MGAT4C: variants seen among roughly 807,000 people sequenced by gnomAD.
The protein encoded by MGAT4C is alpha-1,3-mannosyl-glycoprotein 4-beta-N-acetylglucosaminyltransferase C.
MGAT4C carries 19 observed loss-of-function variants against 40.1 expected under a neutral mutation model. The ratio of observed to expected loss-of-function variants is 0.47; its 90% CI spans 0.33 to 0.70. The LOEUF (loss-of-function observed/expected upper bound fraction) is 0.70, where lower values mean the gene tolerates loss of function less well. MGAT4C is among the 30% of genes least tolerant of loss of function. The probability of loss-of-function intolerance (pLI) is 0.02; values close to 1 mark genes in which losing one functional copy is unlikely to be tolerated. For missense variants in MGAT4C, 491 were observed against 563.2 expected (o/e 0.87, Z 1.30); for synonymous variants, 181 against 187.1 (o/e 0.97, Z 0.27).
rs117379439 is a variant in MGAT4C at position 86,677,603 on chromosome 12, G to C, written c.-229+49606C>G. 8.7e-3 allele frequency among the ~76,000 whole-genome samples: 1,324 copies of C among 152,110 alleles called. 8 individuals are homozygous for C. Among genetic ancestry groups the C allele is most frequent in the Middle Eastern group, 0.017 (5 of 292 alleles). On this transcript the variant is annotated intron_variant, in intron 2 of 7. Transcript: ENST00000548651. Reference sequence around the variant, plus strand: ...GAGAATTTACTGAGGAATGTTGAAAGTTAATACAGATCTCAGTATTCAAAG... The same window carrying C: ...GAGAATTTACTGAGGAATGTTGAAACTTAATACAGATCTCAGTATTCAAAG...
intron 2 of MGAT4C, among the ~76,000 whole-genome samples, chr12:86,578,693 G>A (rs1960658634): frequency 1.3e-5 from 2 of 151,722 alleles, no homozygotes; most frequent in South Asian, 4.1e-4. Flanking sequence ...AATTTCTGCA[G>A]TATCAGTTGT....
chr12:86,058,196 T>G (rs1443692798), intron 1 of MGAT4C, among the ~76,000 whole-genome samples: 1 of 152,134 alleles, frequency 6.6e-6, no homozygotes, highest in Non-Finnish European at 1.5e-5. Context: ...CTCATGCATA[T>G]AAATGCTATA....
intron 1 of MGAT4C, among the ~76,000 whole-genome samples, chr12:86,250,670 C>T (rs1015801138): frequency 2.6e-5 from 4 of 151,996 alleles, no homozygotes; most frequent in Non-Finnish European, 5.9e-5. Flanking sequence ...TATTTTATTA[C>T]GTACTTAGAT....
At chr12:86,160,943 T>G (rs1593108923) in intron 1 of MGAT4C, among the ~76,000 whole-genome samples, 1 of 152,186 alleles carries the variant, frequency 6.6e-6, no homozygotes, top group Non-Finnish European at 1.5e-5. Flanking sequence ...TAATCTACTC[T>G]AACTTTTAGC....
chr12:86,730,833 A>AT (rs1403284809), intron 1 of MGAT4C, among the ~76,000 whole-genome samples: 1 of 152,094 alleles, frequency 6.6e-6, no homozygotes, highest in Non-Finnish European at 1.5e-5. Context: ...TTTAAAAAAT[A>AT]TTTTTATTAT....
At position 85,970,836 on chromosome 12, in the gene MGAT4C, C is replaced by T. The variant is rs1018296515; in HGVS notation, c.*8453G>A. On this transcript the variant is annotated 3_prime_UTR_variant, in exon 5 of 5. Coordinates refer to ENST00000611864, the MANE Select transcript of MGAT4C (RefSeq NM_001351288.2). ...TTGATATAGTATGTACAACTTGTTT[C>T]TTAAGTTACTAAAAATGTATTTTCC... 1 of 151,172 alleles carries T rather than the reference C, an allele frequency of 6.6e-6. No individual in the cohort carries two copies. The highest frequency in any genetic ancestry group is 1.5e-5 in the Non-Finnish European group (1 of 67,336). The allele number at this position is 151,172 out of a possible 1,614,324, so 9.4% of individuals were successfully genotyped here.
intron 2 of MGAT4C, among the ~76,000 whole-genome samples, chr12:86,503,763 TATATATATATATAGAGTTCTGCTC>T (rs1592927322): frequency 4.4e-5 from 3 of 68,056 alleles, no homozygotes; most frequent in East Asian, 5.0e-4. Context: ...GTTCTGCTCA[TATATATATATATAGAGTTCTGCTC>T]ATATATATAT....
At chr12:86,655,888 G>A (rs1005266578) in intron 2 of MGAT4C, among the ~76,000 whole-genome samples, 24 of 152,124 alleles carry the variant, frequency 1.6e-4, no homozygotes, top group African/African-American at 3.9e-4. Context: ...AAGCTCACAC[G>A]AGGAGGGTTG....
chr12:86,365,754 G>C (rs1434499285), intron 3 of MGAT4C, among the ~76,000 whole-genome samples: 1 of 148,434 alleles, frequency 6.7e-6, no homozygotes, highest in Non-Finnish European at 1.5e-5. Context: ...CCTCTATTCT[G>C]TTCTATTGGT....
intron 2 of MGAT4C, among the ~76,000 whole-genome samples, chr12:86,493,540 C>T (rs1419109177): frequency 1.3e-5 from 2 of 151,784 alleles, no homozygotes; most frequent in East Asian, 1.9e-4. Context: ...AGTAAACTAT[C>T]GCAAGGACAA....
At position 85,967,542 on chromosome 12, in the gene MGAT4C, T is replaced by A. The variant is rs1340172724; in HGVS notation, c.*11747A>T. ...AGATAAAATCTGAAAATCATATAAG[T>A]CCAAGATGAAACTGATCTCAAATTA... is the stretch of plus-strand genomic sequence containing the variant. On this transcript the variant is annotated 3_prime_UTR_variant, in exon 5 of 5. Transcript: ENST00000611864. 1 of 152,066 alleles carries A rather than the reference T, an allele frequency of 6.6e-6. No individual in the cohort carries two copies. Among genetic ancestry groups the A allele is most frequent in the Non-Finnish European group, 1.5e-5 (1 of 67,994 alleles). 9.4% of individuals were successfully genotyped at this position (152,066 alleles called of 1,614,324 possible). A position where few individuals can be genotyped will look rare whatever the true frequency, so the allele number is the denominator to read the frequency against.
chr12:86,545,418 C>T (rs1959188059), intron 2 of MGAT4C, among the ~76,000 whole-genome samples: 1 of 151,828 alleles, frequency 6.6e-6, no homozygotes, highest in African/African-American at 2.4e-5. Context: ...AGAACAAACT[C>T]AGTCTATAGT....
At chr12:86,027,959 A>C (rs997878460) in intron 2 of MGAT4C, 1 of 251,404 alleles carries the variant, frequency 4.0e-6, no homozygotes, top group Non-Finnish European at 7.9e-6. Context: ...ATAGCTTCTC[A>C]CCAACATAAT....
chr12:86,483,106 T>G (rs1248688707), intron 2 of MGAT4C, among the ~76,000 whole-genome samples: 1 of 152,182 alleles, frequency 6.6e-6, no homozygotes, highest in Non-Finnish European at 1.5e-5. Flanking sequence ...CGAGGATGGT[T>G]AGATCCTTCT....
chr12:86,626,479 G>T (rs1962808271), intron 2 of MGAT4C, among the ~76,000 whole-genome samples: 1 of 152,142 alleles, frequency 6.6e-6, no homozygotes, highest in African/African-American at 2.4e-5. Context: ...TTATGCTGTT[G>T]TAGTTGTGGT....
chr12:86,200,435 T>G (rs2135931371), intron 1 of MGAT4C, among the ~76,000 whole-genome samples: 1 of 152,230 alleles, frequency 6.6e-6, no homozygotes, highest in East Asian at 1.9e-4. Flanking sequence ...TACCAGATAC[T>G]TTTCCAAAAT....
At chr12:86,679,059 G>T (rs1224887605) in intron 2 of MGAT4C, among the ~76,000 whole-genome samples, 1 of 152,044 alleles carries the variant, frequency 6.6e-6, no homozygotes, top group Non-Finnish European at 1.5e-5. Context: ...GTGTAAAAGT[G>T]TTCCTATGTC....
chr12:86,306,787 A>T (rs1232832362), intron 4 of MGAT4C, among the ~76,000 whole-genome samples: 1 of 150,540 alleles, frequency 6.6e-6, no homozygotes, highest in Admixed American at 6.6e-5. Flanking sequence ...CGATTCTACA[A>T]ATATTTTTGA....
At chr12:86,464,387 C>G (rs1176755443) in intron 2 of MGAT4C, among the ~76,000 whole-genome samples, 1 of 152,076 alleles carries the variant, frequency 6.6e-6, no homozygotes, top group South Asian at 2.1e-4. Context: ...ATCCGCAGTT[C>G]TTAAAATAAT....
Sources: gnomAD v4.1 joint callset for allele counts (sites outside exome capture counted in the v4.1 genomes callset) on GRCh38, gnomAD v4.1.1 for gene constraint, MANE v1.5 for transcripts, NCBI Gene and HGNC (gene_info 2026-07-23, HGNC 2026-07-21) for gene names.